Variants in PLGRKT observed in about 807,000 individuals in gnomAD.
PLGRKT encodes plasminogen receptor (KT).
PLGRKT carries 22 observed loss-of-function variants against 18.5 expected under a neutral mutation model. That is an observed-to-expected ratio of 1.19 (90% CI 0.85 to 1.70). The LOEUF is 1.70. Among genes scored for constraint, PLGRKT ranks in the 40% most tolerant of loss-of-function variants. The probability of loss-of-function intolerance (pLI) is 0.00; values close to 1 mark genes in which losing one functional copy is unlikely to be tolerated. For missense variants in PLGRKT, 235 were observed against 174.4 expected (o/e 1.35, Z -1.96); for synonymous variants, 72 against 52.8 (o/e 1.36, Z -1.58).
chr9:5,375,995 A>C (rs1343866544), intron 3 of PLGRKT, among the ~76,000 whole-genome samples: 1 of 152,252 alleles, frequency 6.6e-6, no homozygotes, highest in Non-Finnish European at 1.5e-5. Flanking sequence ...GTACATATAC[A>C]CACAACAGGA....
rs550352478 is a variant in PLGRKT, at chr9:5,425,385, T to C, written c.81+6512A>G. Among the ~76,000 whole-genome samples the C allele has an allele frequency of 1.7e-4, 26 of 152,310 alleles. 1 individual carries two copies. The highest frequency in any genetic ancestry group is 6.0e-4 in the African/African-American group (25 of 41,562). ...TAGCATGAATCCTCTCCATCACAAT[T>C]TGAACCAAAGTCGTAAGTTAAAAAA... On this transcript the variant is annotated intron_variant, in intron 3 of 5. Coordinates refer to ENST00000223864, the MANE Select transcript of PLGRKT (RefSeq NM_018465.4).
At chr9:5,386,577 C>T (rs1817848411) in intron 3 of PLGRKT, among the ~76,000 whole-genome samples, 1 of 151,750 alleles carries the variant, frequency 6.6e-6, no homozygotes, top group Non-Finnish European at 1.5e-5. Flanking sequence ...TTAAAGAGGC[C>T]ATATAATCAA....
chr9:5,429,241 G>T (rs1818766433), intron 3 of PLGRKT, among the ~76,000 whole-genome samples: 1 of 152,174 alleles, frequency 6.6e-6, no homozygotes, highest in Non-Finnish European at 1.5e-5. Context: ...GGGATTCCCA[G>T]ACCCCTTCTA....
chr9:5,422,868 T>A (rs1818604271), intron 3 of PLGRKT, among the ~76,000 whole-genome samples: 1 of 152,154 alleles, frequency 6.6e-6, no homozygotes, highest in Non-Finnish European at 1.5e-5. Context: ...CTCCTCTACA[T>A]GCACTTTAGC....
At chr9:5,359,433 G>A (rs1218173260) in intron 5 of PLGRKT, among the ~76,000 whole-genome samples, 1 of 152,018 alleles carries the variant, frequency 6.6e-6, no homozygotes, top group South Asian at 2.1e-4. Flanking sequence ...TCAATCATCT[G>A]CAAATGTCTT....
chr9:5,427,143 T>A (rs2131170490), intron 3 of PLGRKT, among the ~76,000 whole-genome samples: 1 of 152,338 alleles, frequency 6.6e-6, no homozygotes, highest in South Asian at 2.1e-4. Context: ...TTCTGAGTAA[T>A]GTGATAAAAT....
rs190127484 is a variant in PLGRKT, at chr9:5,363,900, T to A, written c.82-2012A>T. ...AACTGAGGTTCATTTTGAGTTCAAT[T>A]AGAGTTTAAAAATAGATGTGTTTTT... On this transcript the variant is annotated intron_variant, in intron 3 of 5. Coordinates refer to ENST00000223864, the MANE Select transcript of PLGRKT (RefSeq NM_018465.4). Among the ~76,000 whole-genome samples, 3 of 152,328 alleles carry A rather than the reference T, an allele frequency of 2.0e-5. No homozygotes were observed. The East Asian group carries it at 5.8e-4, about 29-fold the overall frequency.
chr9:5,388,082 T>C (rs1326610225), intron 3 of PLGRKT, among the ~76,000 whole-genome samples: 1 of 151,958 alleles, frequency 6.6e-6, no homozygotes, highest in Admixed American at 6.5e-5. Context: ...GCATCAGTTA[T>C]GCGGGAGTTA....
At chr9:5,400,985 A>T (rs1818143191) in intron 3 of PLGRKT, among the ~76,000 whole-genome samples, 1 of 151,976 alleles carries the variant, frequency 6.6e-6, no homozygotes, top group African/African-American at 2.4e-5. Context: ...AAAACCCCAG[A>T]AACCAAGTTA....
Position 5,418,759 on chromosome 9 carries a change from T to G in PLGRKT, c.81+13138A>C. On this transcript the variant is annotated intron_variant, in intron 3 of 5. Coordinates refer to ENST00000223864, the MANE Select transcript of PLGRKT (RefSeq NM_018465.4). The surrounding 1 kb of genome is among the most constrained non-coding windows in gnomAD (Gnocchi z 4.2). ...TGGAATGGTGATGACAGCCAGGACC[T>G]CGGGGTCGTCGAGGAGCTGCGACAC... 1 of 710,414 alleles carries G rather than the reference T, an allele frequency of 1.4e-6. No individual in the cohort carries two copies. The highest frequency in any genetic ancestry group is 2.5e-6 in the Non-Finnish European group (1 of 396,932). The allele number at this position is 710,414 out of a possible 1,614,324, so 44.0% of individuals were successfully genotyped here.
At chr9:5,422,444 A>C (rs1818595738) in intron 3 of PLGRKT, among the ~76,000 whole-genome samples, 1 of 152,224 alleles carries the variant, frequency 6.6e-6, no homozygotes, top group Non-Finnish European at 1.5e-5. Context: ...CAATCAGCCA[A>C]ATACAAACTG....
chr9:5,389,842 C>A (rs549835101), intron 3 of PLGRKT, among the ~76,000 whole-genome samples: 2 of 151,978 alleles, frequency 1.3e-5, no homozygotes, highest in Non-Finnish European at 2.9e-5. Flanking sequence ...GTATGTGAAA[C>A]GGACCTTCAT....
chr9:5,398,224 G>A (rs529119), intron 3 of PLGRKT, among the ~76,000 whole-genome samples: 34 of 151,796 alleles, frequency 2.2e-4, no homozygotes, highest in Admixed American at 8.5e-4. Context: ...ATCAGGGGTG[G>A]GTTACCCTCC....
chr9:5,366,147 A>T (rs1351867889), intron 3 of PLGRKT, among the ~76,000 whole-genome samples: 2 of 152,148 alleles, frequency 1.3e-5, no homozygotes, highest in Admixed American at 1.3e-4. Context: ...CAAATTAATA[A>T]ACTTGACTGT....
chr9:5,375,124 C>A (rs2131082633), intron 3 of PLGRKT, among the ~76,000 whole-genome samples: 1 of 152,266 alleles, frequency 6.6e-6, no homozygotes, highest in South Asian at 2.1e-4. Flanking sequence ...AATTAAAATT[C>A]TATACTATAA....
chr9:5,405,714 G>T (rs1288405026), intron 3 of PLGRKT, among the ~76,000 whole-genome samples: 1 of 152,082 alleles, frequency 6.6e-6, no homozygotes, highest in Non-Finnish European at 1.5e-5. Context: ...ATTTTATGAT[G>T]AAATTGCCAA....
At chr9:5,369,683 A>G (rs1817475326) in intron 3 of PLGRKT, among the ~76,000 whole-genome samples, 1 of 152,244 alleles carries the variant, frequency 6.6e-6, no homozygotes. Context: ...ATTTGGAACC[A>G]ACCCAAATGC....
intron 3 of PLGRKT, among the ~76,000 whole-genome samples, chr9:5,401,033 A>G (rs1818144042): frequency 6.6e-6 from 1 of 151,944 alleles, no homozygotes; most frequent in Admixed American, 6.5e-5. Flanking sequence ...AAATAAAAAC[A>G]TAATATTTTT....
intron 3 of PLGRKT, among the ~76,000 whole-genome samples, chr9:5,403,186 C>T (rs544135554): frequency 2.9e-4 from 44 of 150,484 alleles, no homozygotes; most frequent in African/African-American, 1.0e-3. Context: ...TGTTATACAG[C>T]GAGTTGAGAG....
Sources: allele counts gnomAD v4.1 joint callset (sites outside exome capture counted in the v4.1 genomes callset), GRCh38; gene constraint gnomAD v4.1.1; non-coding constraint Gnocchi (gnomAD v3.1); transcripts MANE v1.5; gene names NCBI Gene and HGNC (gene_info 2026-07-23, HGNC 2026-07-21).